The following SNX8 variants were observed in gnomAD, a reference collection of about 807,000 sequenced individuals.
The protein encoded by SNX8 is sorting nexin 8.
In SNX8, 25 loss-of-function variants were observed where a neutral mutation model predicts 51.6. The observed-to-expected ratio is 0.48, with a 90% CI of 0.35 to 0.68. SNX8 has a LOEUF of 0.68. Ranked by LOEUF, SNX8 falls within the 30% of genes least tolerant of loss-of-function variation. The pLI is 0.00. For missense variants in SNX8, 695 were observed against 624.0 expected (o/e 1.11, Z -1.21); for synonymous variants, 324 against 277.0 (o/e 1.17, Z -1.68).
At chr7:2,260,345 A>G (rs1256592793) in intron 7 of SNX8, among the ~76,000 whole-genome samples, 1 of 152,138 alleles carries the variant, frequency 6.6e-6, no homozygotes, top group African/African-American at 2.4e-5. Context: ...TGATCTGCCC[A>G]TCTCAGCCTC....
At chr7:2,283,860 A>G (rs1264317103) in intron 1 of SNX8, among the ~76,000 whole-genome samples, 4 of 152,198 alleles carry the variant, frequency 2.6e-5, no homozygotes, top group African/African-American at 9.6e-5. Flanking sequence ...CAGTGGCACA[A>G]TCTTGGCTCA....
At chr7:2,267,979 T>A (rs1795516058) in intron 5 of SNX8, among the ~76,000 whole-genome samples, 1 of 142,182 alleles carries the variant, frequency 7.0e-6, no homozygotes, top group Non-Finnish European at 1.5e-5. Flanking sequence ...ATCTGGGATG[T>A]GAGGAGCGCC....
At chr7:2,294,734 C>T (rs1796233026) in intron 1 of SNX8, among the ~76,000 whole-genome samples, 2 of 152,170 alleles carry the variant, frequency 1.3e-5, no homozygotes, top group African/African-American at 4.8e-5. Flanking sequence ...ACTCCGAGGT[C>T]CCTGCTCTAA....
intron 3 of SNX8, 122 bp from the exon 4 acceptor site, chr7:2,272,093 C>A: frequency 7.3e-7 from 1 of 1,363,426 alleles, no homozygotes; most frequent in Admixed American, 2.1e-5. Flanking sequence ...GCAGAGGGCA[C>A]TGGCTGGGCC....
chr7:2,314,717 C>G (rs55871547), upstream of SNX8, among the ~76,000 whole-genome samples: 38,923 of 152,196 alleles, frequency 0.26, 5,135 homozygotes, highest in Middle Eastern at 0.45. Context: ...ACCTCAGGCG[C>G]AAGCCTGCAC....
chr7:2,348,743 T>TC (rs767098869), intron 1 of SNX8, among the ~76,000 whole-genome samples: 1 of 151,340 alleles, frequency 6.6e-6, no homozygotes, highest in African/African-American at 2.4e-5. Context: ...GGTCAGGAGT[T>TC]CAAGGCCAGC....
At chr7:2,346,300 G>A (rs1403432960) in intron 1 of SNX8, among the ~76,000 whole-genome samples, 1 of 151,704 alleles carries the variant, frequency 6.6e-6, no homozygotes, top group Admixed American at 6.6e-5. Flanking sequence ...AAGAAAACTA[G>A]TTGGGTATGG....
rs151321421 is a variant in SNX8, at chr7:2,274,513, G to A, written c.418+599C>T. ...CCATCCCAAGCTCTGCAGCCCAGGGGGACACAGGCCTGGGGAGCAGCTCTG... is the reference window on the plus strand; with the variant it reads ...CCATCCCAAGCTCTGCAGCCCAGGGAGACACAGGCCTGGGGAGCAGCTCTG... On this transcript the variant is annotated intron_variant, in intron 3 of 10. Transcript: ENST00000222990. Among the ~76,000 whole-genome samples the A allele has an allele frequency of 6.5e-3, 986 of 152,318 alleles. 9 individuals are homozygous for A. Among genetic ancestry groups the A allele is most frequent in the African/African-American group, 0.023 (942 of 41,562 alleles).
chr7:2,257,718 G>A lies in SNX8; in HGVS notation c.984+17C>T, dbSNP rs749241596. 9.3e-6 allele frequency: 15 copies of A among 1,612,334 alleles called. No homozygotes were observed. Among genetic ancestry groups the A allele is most frequent in the Middle Eastern group, 1.7e-4 (1 of 6,054 alleles). On this transcript the variant is annotated intron_variant, in intron 8 of 10. Transcript: ENST00000222990. The stretch of plus-strand genomic sequence containing the variant: ...CCTGAAAGTTCTGCCCCCAGCCAAG[G>A]AGCAGCCAAGACTCACCTTATAGGA...
At chr7:2,297,523 C>T (rs1796297692) in intron 1 of SNX8, among the ~76,000 whole-genome samples, 2 of 123,512 alleles carry the variant, frequency 1.6e-5, no homozygotes, top group Admixed American at 2.2e-4. Context: ...GCACTGCAGC[C>T]TGGGCAACAG....
upstream of SNX8, among the ~76,000 whole-genome samples, chr7:2,317,868 T>C (rs1247486194): frequency 6.6e-6 from 1 of 152,068 alleles, no homozygotes; most frequent in Non-Finnish European, 1.5e-5. Flanking sequence ...CTTCTGCTGA[T>C]GGACATATAA....
intron 2 of SNX8, 133 bp downstream of exon 2, chr7:2,277,967 G>C: frequency 2.1e-6 from 3 of 1,403,886 alleles, no homozygotes; most frequent in African/African-American, 2.9e-5. Context: ...GCGAGTTCTG[G>C]ATCTTGCCTG....
In SNX8 at chr7:2,301,427, G is replaced by C. The variant is rs149751541; in HGVS notation, c.94+12901C>G. Among the ~76,000 whole-genome samples the C allele has an allele frequency of 5.9e-5, 9 of 152,312 alleles. No homozygotes were observed. In the East Asian group the frequency reaches 1.7e-3, roughly 29 times the overall value. On this transcript the variant is annotated intron_variant, in intron 1 of 10. Coordinates refer to ENST00000222990, the MANE Select transcript of SNX8 (RefSeq NM_013321.4). ...CTAGGAAGGAATTCAAGGCTGAGCC[G>C]ATGGTGTTAGCAACTTTTATTGAAG...
chr7:2,257,174 G>T, intron 9 of SNX8, 151 bp from the exon 10 acceptor site: 1 of 1,180,086 alleles, frequency 8.5e-7, no homozygotes, highest in Non-Finnish European at 1.2e-6. Context: ...GAGAGGGCCG[G>T]GGAGGGAGCA....
upstream of SNX8, among the ~76,000 whole-genome samples, chr7:2,317,192 G>C (rs1584736147): frequency 6.8e-6 from 1 of 147,124 alleles, no homozygotes; most frequent in East Asian, 2.0e-4. Flanking sequence ...GGTTTGGCAT[G>C]GAGATTGGTA....
intron 7 of SNX8, 25 bp from the exon 8 acceptor site, chr7:2,257,828 C>G: frequency 6.2e-7 from 1 of 1,609,574 alleles, no homozygotes; most frequent in East Asian, 2.2e-5. Context: ...GGAGCTCACC[C>G]ACGCGGACGC....
chr7:2,344,370 G>C (rs1562464648), intron 1 of SNX8, among the ~76,000 whole-genome samples: 1 of 152,042 alleles, frequency 6.6e-6, no homozygotes, highest in East Asian at 1.9e-4. Flanking sequence ...CCAGCACTTT[G>C]GGAGGCCCAG....
At chr7:2,305,227 C>T (rs898146780) in intron 1 of SNX8, among the ~76,000 whole-genome samples, 2 of 152,168 alleles carry the variant, frequency 1.3e-5, no homozygotes, top group African/African-American at 2.4e-5. Context: ...GGCAAGAAAA[C>T]GGATTTCACC....
At chr7:2,309,457 C>T (rs1425373753) in intron 1 of SNX8, among the ~76,000 whole-genome samples, 1 of 151,816 alleles carries the variant, frequency 6.6e-6, no homozygotes, top group Non-Finnish European at 1.5e-5. Flanking sequence ...ACCAGCCGGG[C>T]GCGGTGGCTC....
Sources: allele counts gnomAD v4.1 joint callset (sites outside exome capture counted in the v4.1 genomes callset), GRCh38; gene constraint gnomAD v4.1.1; transcripts MANE v1.5; gene names NCBI Gene and HGNC (gene_info 2026-07-23, HGNC 2026-07-21).